Variants in PLEKHA4 observed in about 807,000 individuals in gnomAD.
The protein encoded by PLEKHA4 is pleckstrin homology domain-containing family A member 4.
PLEKHA4 carries 73 observed loss-of-function variants against 94.7 expected under a neutral mutation model. The ratio of observed to expected loss-of-function variants is 0.77; its 90% CI spans 0.64 to 0.94. The LOEUF (loss-of-function observed/expected upper bound fraction) is 0.94, where lower values mean the gene tolerates loss of function less well. PLEKHA4 is among the 40% of genes least tolerant of loss of function. The pLI is 0.00. For missense variants in PLEKHA4, 1,049 were observed against 1,054.1 expected (o/e 1.00, Z 0.07); for synonymous variants, 449 against 437.1 (o/e 1.03, Z -0.34).
intron 16 of PLEKHA4, chr19:48,845,103 A>T: frequency 3.0e-6 from 1 of 336,944 alleles, no homozygotes; most frequent in South Asian, 4.0e-5. Context: ...TCTAGTTTTC[A>T]TCTTGATGTC....
intron 9 of PLEKHA4, among the ~76,000 whole-genome samples, chr19:48,856,895 T>A (rs1599909234): frequency 6.4e-5 from 3 of 47,000 alleles, no homozygotes; most frequent in African/African-American, 7.1e-4. Context: ...AGAGACCCCG[T>A]CTCAAAAAAA....
chr19:48,862,119 C>CA (rs1451455695), intron 3 of PLEKHA4, among the ~76,000 whole-genome samples: 2 of 151,292 alleles, frequency 1.3e-5, no homozygotes, highest in Non-Finnish European at 2.9e-5. Context: ...ATGTTTGGGG[C>CA]AATGGAGTGG....
chr19:48,856,264 G>A (rs1311813935), intron 9 of PLEKHA4, among the ~76,000 whole-genome samples: 4 of 151,184 alleles, frequency 2.6e-5, no homozygotes, highest in Non-Finnish European at 4.4e-5. Flanking sequence ...GAGGGGAAGG[G>A]GAAGGGGAAG....
At chr19:48,853,602 C>G (rs1035688355) in intron 12 of PLEKHA4, 80 bp downstream of exon 12, 38 of 1,366,354 alleles carry the variant, frequency 2.8e-5, no homozygotes, top group Non-Finnish European at 3.0e-5. Flanking sequence ...CCTATGAGCC[C>G]TCTGGGGCAG....
At chr19:48,856,913 A>AG (rs1371387102) in intron 9 of PLEKHA4, among the ~76,000 whole-genome samples, 13 of 129,046 alleles carry the variant, frequency 1.0e-4, no homozygotes, top group Non-Finnish European at 9.3e-5. Context: ...AAAAAAAAAA[A>AG]AAAGAAAGAA....
intron 4 of PLEKHA4, 42 bp downstream of exon 4, chr19:48,861,578 G>A (rs377603609): frequency 3.9e-5 from 62 of 1,608,444 alleles, no homozygotes; most frequent in East Asian, 2.7e-4. Context: ...CAGACTGGGC[G>A]GGGGGGCCCT....
At chr19:48,854,449 G>C (rs75342813) in intron 9 of PLEKHA4, among the ~76,000 whole-genome samples, 185 bp from the exon 10 acceptor site, 58 of 152,178 alleles carry the variant, frequency 3.8e-4, no homozygotes, top group African/African-American at 1.2e-3. Flanking sequence ...GTTCGCTGCA[G>C]GCTCAACCTC....
chr19:48,859,333 C>T (rs1568551034), intron 7 of PLEKHA4, 136 bp downstream of exon 7: 4 of 1,009,958 alleles, frequency 4.0e-6, no homozygotes, highest in East Asian at 2.6e-5. Flanking sequence ...GTCTTCTCCC[C>T]GACAGGCTGT....
At chr19:48,842,686 C>T (rs2035813939) in intron 16 of PLEKHA4, among the ~76,000 whole-genome samples, 1 of 152,192 alleles carries the variant, frequency 6.6e-6, no homozygotes, top group African/African-American at 2.4e-5. Context: ...GAGAAACCTC[C>T]ACATGCTGGT....
chr19:48,867,973 G>A lies in PLEKHA4; in HGVS notation c.-7+110C>T, dbSNP rs111924082. ...GGCTGCCCCAGGCTACCTGTCTCCCGCCCTCCCACATGCACCCCCAAACCA... is the reference window on the plus strand; with the variant it reads ...GGCTGCCCCAGGCTACCTGTCTCCCACCCTCCCACATGCACCCCCAAACCA... On this transcript the variant is annotated intron_variant, in intron 1 of 19. Coordinates refer to ENST00000263265, the MANE Select transcript of PLEKHA4 (RefSeq NM_020904.3). The surrounding 1 kb of genome is among the most constrained non-coding windows in gnomAD (Gnocchi z 4.7). 0.029 allele frequency: 7,011 copies of A among 241,138 alleles called. 218 individuals carry two copies. The highest frequency in any genetic ancestry group is 0.076 in the African/African-American group (3,384 of 44,710). The allele number at this position is 241,138 out of a possible 1,614,324, so 14.9% of individuals were successfully genotyped here. A position where few individuals can be genotyped will look rare whatever the true frequency, so the allele number is the denominator to read the frequency against.
chr19:48,858,360 G>A (rs1027760646), intron 8 of PLEKHA4, among the ~76,000 whole-genome samples: 3 of 152,096 alleles, frequency 2.0e-5, no homozygotes, highest in Non-Finnish European at 2.9e-5. Context: ...GGTGGCTCAC[G>A]CCTGTAATCC....
chr19:48,848,751 C>T (rs868580575), intron 13 of PLEKHA4, among the ~76,000 whole-genome samples: 3 of 150,190 alleles, frequency 2.0e-5, no homozygotes, highest in African/African-American at 7.4e-5. Flanking sequence ...GAGCTGAGAT[C>T]GTGCCACTGC....
intron 18 of PLEKHA4, among the ~76,000 whole-genome samples, chr19:48,838,927 A>G (rs2035648976): frequency 6.6e-6 from 1 of 152,052 alleles, no homozygotes; most frequent in African/African-American, 2.4e-5. Flanking sequence ...GCCCACATGC[A>G]TTACGGGATT....
At chr19:48,844,409 C>A in intron 16 of PLEKHA4, 1 of 959,650 alleles carries the variant, frequency 1.0e-6, no homozygotes, top group Non-Finnish European at 1.2e-6. Context: ...CCTGCCTCGG[C>A]CTCCCAAAGT....
chr19:48,861,794 T>C (rs1039064726), intron 3 of PLEKHA4, 102 bp from the exon 4 acceptor site: 1 of 1,060,602 alleles, frequency 9.4e-7, no homozygotes, highest in Non-Finnish European at 1.4e-6. Flanking sequence ...GAAAGAAACT[T>C]GGAGAGAGGA....
Position 48,867,661 on chromosome 19 carries a change from AGT to A in PLEKHA4, c.-6-37_-6-36del. The stretch of plus-strand genomic sequence containing the variant: ...AGAAAGAAAGGGGCTGTGTCTCTGC[AGT>A]GACGGGTGTGAGACAGAGATGGGGT... On this transcript the variant is annotated intron_variant, in intron 1 of 19. Transcript: ENST00000263265. This position sits in a 1 kb window ranked among gnomAD's most constrained non-coding sequence, Gnocchi z 4.7. 1 of 1,547,976 alleles carries A rather than the reference AGT, an allele frequency of 6.5e-7. No individual in the cohort carries two copies. The highest frequency in any genetic ancestry group is 8.8e-7 in the Non-Finnish European group (1 of 1,140,782).
chr19:48,839,763 C>A (rs1375435286), intron 17 of PLEKHA4, among the ~76,000 whole-genome samples: 1 of 151,890 alleles, frequency 6.6e-6, no homozygotes, highest in African/African-American at 2.4e-5. Context: ...AGAAATCCCA[C>A]CTCCACCACC....
At position 48,852,225 on chromosome 19, in the gene PLEKHA4, T is replaced by C. The variant is rs775831933; in HGVS notation, c.1425+3A>G. The C allele has an allele frequency of 1.2e-6, 2 of 1,612,782 alleles. No homozygotes were observed. Among genetic ancestry groups the C allele is most frequent in the South Asian group, 1.1e-5 (1 of 91,068 alleles). On this transcript the variant is annotated splice_donor_region_variant and intron_variant, in intron 13 of 19. Coordinates refer to ENST00000263265, the MANE Select transcript of PLEKHA4 (RefSeq NM_020904.3). The stretch of plus-strand genomic sequence containing the variant: ...GTCTTGGGGTCTCCAAGCAGCGATT[T>C]ACCTGGGGAGAACCAAGGTGCAGCA...
chr19:48,864,174 T>TC (rs1474781440), intron 3 of PLEKHA4, among the ~76,000 whole-genome samples: 1 of 146,938 alleles, frequency 6.8e-6, no homozygotes, highest in Non-Finnish European at 1.5e-5. Flanking sequence ...CTCCAGGTCT[T>TC]TTTTTTTTTT....
Sources: gnomAD v4.1 joint callset for allele counts (sites outside exome capture counted in the v4.1 genomes callset) on GRCh38, gnomAD v4.1.1 for gene constraint, Gnocchi (gnomAD v3.1) non-coding constraint, MANE v1.5 for transcripts, NCBI Gene and HGNC (gene_info 2026-07-23, HGNC 2026-07-21) for gene names.